The following GPR137 variants were observed in gnomAD, a reference collection of about 807,000 sequenced individuals.
The protein encoded by GPR137 is integral membrane protein GPR137.
GPR137 carries 20 observed loss-of-function variants against 38.9 expected under a neutral mutation model. The observed-to-expected ratio is 0.51, with a 90% confidence interval of 0.36 to 0.75. The LOEUF (loss-of-function observed/expected upper bound fraction) is 0.75, where lower values mean the gene tolerates loss of function less well. GPR137 is among the 30% of genes least tolerant of loss of function. The pLI, the probability that GPR137 is intolerant of heterozygous loss-of-function variation, is 0.00. For synonymous variants in GPR137, 226 were observed against 235.8 expected (o/e 0.96, Z 0.38); for missense variants, 456 against 526.4 (o/e 0.87, Z 1.31).
chr11:64,284,623 G>A (rs1219148113), upstream of GPR137: 7 of 1,521,416 alleles, frequency 4.6e-6, no homozygotes, highest in Non-Finnish European at 6.1e-6. Flanking sequence ...ACGGCGCACA[G>A]GTCTCACCCC....
In GPR137 at chr11:64,288,229, G is replaced by A. The variant is rs1215798634; in HGVS notation, c.783+15G>A. ...TGTCTGACCAGGTGGGCATACGCAT[G>A]TCTGCCACCTCCTTAGTAGCCGTGG... On this transcript the variant is annotated intron_variant, in intron 4 of 6. Transcript: ENST00000438980. The surrounding 1 kb of genome is among the most constrained non-coding windows in gnomAD (Gnocchi z 5.5). 6.2e-7 allele frequency: 1 copy of A among 1,611,220 alleles called. No homozygotes were observed. The highest frequency in any genetic ancestry group is 8.5e-7 in the Non-Finnish European group (1 of 1,178,580).
At chr11:64,280,303 G>A (rs2033367619), upstream of GPR137, among the ~76,000 whole-genome samples, 1 of 141,342 alleles carries the variant, frequency 7.1e-6, no homozygotes, top group African/African-American at 2.6e-5. Context: ...CTGGGCGACA[G>A]AGCAAGACTC....
At chr11:64,282,069 T>C (rs1297677665), upstream of GPR137, among the ~76,000 whole-genome samples, 3 of 152,136 alleles carry the variant, frequency 2.0e-5, no homozygotes, top group Non-Finnish European at 4.4e-5. Context: ...TCACGCATGA[T>C]AGGATGCTTT....
At chr11:64,284,915 A>T, upstream of GPR137, 4 of 1,420,448 alleles carry the variant, frequency 2.8e-6, no homozygotes, top group Non-Finnish European at 2.8e-6. Context: ...CAGGAGAGGG[A>T]TTCTCTGGGG....
chr11:64,282,968 C>G (rs1255066817), upstream of GPR137, among the ~76,000 whole-genome samples: 1 of 149,482 alleles, frequency 6.7e-6, no homozygotes, highest in African/African-American at 2.6e-5. Context: ...GTGGGAGGAT[C>G]ACTTAAGCCC....
In GPR137 at chr11:64,286,452, C is replaced by T; in HGVS notation, c.-73C>T. 1 of 1,545,456 alleles carries T rather than the reference C, an allele frequency of 6.5e-7. No individual in the cohort carries two copies. Among genetic ancestry groups the T allele is most frequent in the Non-Finnish European group, 8.7e-7 (1 of 1,145,638 alleles). On this transcript the variant is annotated 5_prime_UTR_variant, in exon 1 of 7. Coordinates refer to ENST00000438980, the MANE Select transcript of GPR137 (RefSeq NM_001170880.2). ...TCTGCACCCTGCAATTCCCACCCCT[C>T]CGTATTTATTTCCCTGGTCCCGCCG...
At chr11:64,273,281 G>A (rs1035935210), upstream of GPR137, among the ~76,000 whole-genome samples, 4 of 152,142 alleles carry the variant, frequency 2.6e-5, no homozygotes, top group Non-Finnish European at 2.9e-5. Flanking sequence ...GCTGAAGCAG[G>A]AGAACTGCTT....
At chr11:64,285,619 C>CGGCACGG (rs1403397558), upstream of GPR137, 48 of 984,916 alleles carry the variant, frequency 4.9e-5, no homozygotes, top group Middle Eastern at 5.2e-4. Flanking sequence ...TAAAGGCGGG[C>CGGCACGG]GGCACGGGGC....
At chr11:64,276,673 G>A in intron 2 of GPR137, 1 of 526,824 alleles carries the variant, frequency 1.9e-6, no homozygotes, top group African/African-American at 1.9e-5. Flanking sequence ...GAAAAACCCT[G>A]GGGGAGTGTC....
chr11:64,280,088 C>T (rs866264782), upstream of GPR137, among the ~76,000 whole-genome samples: 9 of 151,694 alleles, frequency 5.9e-5, no homozygotes, highest in African/African-American at 1.4e-4. Context: ...GAGGCCAAGG[C>T]GGGCGGATCA....
upstream of GPR137, chr11:64,271,925 C>T (rs1399045580): frequency 4.2e-6 from 3 of 717,512 alleles, no homozygotes; most frequent in Non-Finnish European, 5.9e-6. Flanking sequence ...GGGCGCATCA[C>T]AGCCCACCTC....
At chr11:64,285,074 G>A, upstream of GPR137, 1 of 1,090,346 alleles carries the variant, frequency 9.2e-7, no homozygotes, top group Non-Finnish European at 1.1e-6. Context: ...GCGGGCGAAG[G>A]CGCTTGGCAC....
chr11:64,279,241 G>A (rs748339958), intron 2 of GPR137, among the ~76,000 whole-genome samples: 20 of 152,120 alleles, frequency 1.3e-4, no homozygotes, highest in Non-Finnish European at 2.5e-4. Context: ...GACCCAACCT[G>A]TGTGGATCAT....
upstream of GPR137, chr11:64,272,958 C>T (rs1227141915): frequency 6.6e-6 from 1 of 152,230 alleles, no homozygotes; most frequent in Non-Finnish European, 1.5e-5. Context: ...GGGCGTGATT[C>T]CTCACGCCTG....
rs749624824 is a variant in GPR137 at position 64,289,219 on chromosome 11, T to C, written c.*23T>C. On this transcript the variant is annotated 3_prime_UTR_variant, in exon 7 of 7. Transcript: ENST00000438980. The stretch of plus-strand genomic sequence containing the variant: ...TGATCCCCCTCCCTCCCCCACAGAA[T>C]ACCCAGGCCCCAGTCCCCCTCACCC... 2.7e-6 allele frequency: 3 copies of C among 1,105,212 alleles called. No homozygotes were observed. In the East Asian group the frequency reaches 9.9e-5, roughly 37 times the overall value. 68.5% of individuals were successfully genotyped at this position (1,105,212 alleles called of 1,614,324 possible).
chr11:64,285,599 C>G, upstream of GPR137: 1 of 984,110 alleles, frequency 1.0e-6, no homozygotes, highest in Non-Finnish European at 1.2e-6. Context: ...CTGGCGGACC[C>G]CCATACAAGT....
At chr11:64,285,727 G>C (rs1451111749), upstream of GPR137, 20 of 985,284 alleles carry the variant, frequency 2.0e-5, no homozygotes, top group African/African-American at 3.5e-5. Context: ...CAGCGGCGCA[G>C]CTCGCGCCAA....
At chr11:64,287,563 T>G in intron 2 of GPR137, 158 bp from the exon 3 acceptor site, 1 of 926,564 alleles carries the variant, frequency 1.1e-6, no homozygotes, top group Non-Finnish European at 1.3e-6. Context: ...CCTTCTGACC[T>G]TTTTGGGCCT....
upstream of GPR137, among the ~76,000 whole-genome samples, chr11:64,282,881 GAAAAAAAAA>G (rs541902877): frequency 1.1e-5 from 1 of 88,060 alleles, no homozygotes; most frequent in East Asian, 3.4e-4. Flanking sequence ...TCCGTCTCAG[GAAAAAAAAA>G]AAAAAAAAAA....
Sources: gnomAD v4.1 joint callset for allele counts (sites outside exome capture counted in the v4.1 genomes callset) on GRCh38, gnomAD v4.1.1 for gene constraint, Gnocchi (gnomAD v3.1) non-coding constraint, MANE v1.5 for transcripts, NCBI Gene and HGNC (gene_info 2026-07-23, HGNC 2026-07-21) for gene names.